EPRS1: variants seen among roughly 807,000 people sequenced by gnomAD.
The protein encoded by EPRS1 is glutamyl-prolyl-tRNA synthetase 1, also known as bifunctional glutamate/proline--tRNA ligase.
Under a neutral mutation model 188.3 loss-of-function variants are expected in EPRS1, and 107 were observed. The ratio of observed to expected loss-of-function variants is 0.57; its 90% CI spans 0.49 to 0.67. The LOEUF is 0.67. EPRS1 is among the 30% of genes least tolerant of loss of function. The pLI is 0.00. For missense variants in EPRS1, 1,577 were observed against 1,802.2 expected, an observed-to-expected ratio of 0.88 and a Z score of 2.26; for synonymous variants, 596 against 593.1, an observed-to-expected ratio of 1.00 and a Z score of -0.07.
At chr1:219,985,388 TGTAA>T (rs1660987570) in intron 20 of EPRS1, among the ~76,000 whole-genome samples, 1 of 152,118 alleles carries the variant, frequency 6.6e-6, no homozygotes, top group East Asian at 1.9e-4. Context: ...GCCAAATTTA[TGTAA>T]GTTTTTCTTT....
chr1:220,038,491 A>C (rs1333872455), intron 2 of EPRS1, among the ~76,000 whole-genome samples: 1 of 143,524 alleles, frequency 7.0e-6, no homozygotes, highest in Non-Finnish European at 1.5e-5. Context: ...TCGTGGGCTC[A>C]GGTGATCATC....
intron 28 of EPRS1, among the ~76,000 whole-genome samples, chr1:219,974,910 T>C (rs1660746384): frequency 6.6e-6 from 1 of 152,096 alleles, no homozygotes; most frequent in Non-Finnish European, 1.5e-5. Context: ...ATACAGAAAG[T>C]TAGCAGTGAG....
chr1:219,994,275 C>G (rs931381635), intron 18 of EPRS1, among the ~76,000 whole-genome samples: 3 of 152,016 alleles, frequency 2.0e-5, no homozygotes, highest in African/African-American at 7.2e-5. Context: ...GTCTGAGTGT[C>G]AGTGTGTGTG....
At chr1:219,971,702 A>C (rs969423386) in intron 30 of EPRS1, among the ~76,000 whole-genome samples, 5 of 149,402 alleles carry the variant, frequency 3.3e-5, no homozygotes, top group East Asian at 2.0e-4. Context: ...GGAAAAAAAA[A>C]CTTACATAAT....
intron 2 of EPRS1, among the ~76,000 whole-genome samples, chr1:220,038,269 A>T (rs1035608433): frequency 3.3e-5 from 5 of 151,046 alleles, no homozygotes; most frequent in African/African-American, 1.2e-4. Flanking sequence ...TTTAGTAGAG[A>T]TGGGGTTTCT....
intron 9 of EPRS1, among the ~76,000 whole-genome samples, chr1:220,020,827 TATATATATATA>T (rs1558057807): frequency 0.012 from 28 of 2,368 alleles, no homozygotes; most frequent in African/African-American, 0.03. Flanking sequence ...TTTGAATTTA[TATATATATATA>T]TATATATATA....
chr1:219,968,885 C>A lies in EPRS1; in HGVS notation c.4460G>T (p.Cys1487Phe), dbSNP rs1558267277. 3 of 1,614,150 alleles carry A rather than the reference C, an allele frequency of 1.9e-6. No individual in the cohort carries two copies. In the Admixed American group the frequency reaches 5.0e-5, roughly 27 times the overall value. ...KSLCIPFKPL[C>F]ELQPGAKCVC... ...ACATTTGGCTCCAGGCTGCAGTTCA[C>A]AGAGTGGTTTGAAGGGGATGCAAAG... The change falls in exon 32 of 32, where the codon TGT (cysteine) becomes TTT (phenylalanine). Residue 1487 changes from cysteine (C) to phenylalanine (F), a missense_variant. Physicochemically the swap from Cys to Phe is radical, Grantham distance 205. Coordinates refer to ENST00000366923, the MANE Select transcript of EPRS1 (RefSeq NM_004446.3).
At chr1:220,026,380 A>G (rs1411585285) in intron 6 of EPRS1, among the ~76,000 whole-genome samples, 2 of 152,184 alleles carry the variant, frequency 1.3e-5, no homozygotes, top group East Asian at 1.9e-4. Flanking sequence ...GTACATGAGT[A>G]AAAGAAAATA....
chr1:220,042,918 T>C (rs1662326637), intron 1 of EPRS1, among the ~76,000 whole-genome samples: 1 of 151,848 alleles, frequency 6.6e-6, no homozygotes, highest in South Asian at 2.1e-4. Flanking sequence ...AGACTCCATC[T>C]CAAAAAACAA....
chr1:219,997,250 A>G lies in EPRS1; in HGVS notation c.2274T>C (p.Ala758=). 6.2e-7 allele frequency: 1 copy of G among 1,614,038 alleles called. No individual in the cohort carries two copies. Among genetic ancestry groups the G allele is most frequent in the South Asian group, 1.1e-5 (1 of 91,068 alleles). Reference sequence around the variant, plus strand: ...ATTCACGAACCACATCTCCTTGAACAGCCACTCTATTGTAAAGGACCAAGG... The same window carrying G: ...ATTCACGAACCACATCTCCTTGAACGGCCACTCTATTGTAAAGGACCAAGG... The part of the protein sequence containing the change: ...EDSLVLYNRV[A]VQGDVVRELK... Residue 758 remains alanine (A), a synonymous_variant, in exon 18 of 32, where the codon GCT becomes GCC. Transcript: ENST00000366923.
rs573870660 is a variant in EPRS1 at position 220,018,693 on chromosome 1, A to AAAC, written c.1435-186_1435-185insGTT. 3.4e-4 allele frequency among the ~76,000 whole-genome samples: 52 copies of AAAC among 152,238 alleles called. 1 individual carries two copies. The East Asian group carries it at 8.9e-3, about 26-fold the overall frequency. Reference sequence around the variant, plus strand: ...TGGTTACCCTTAACAGTTCACTGTAAAGGTTCAGTCTACAGACTGCTCACA... The same window carrying AAAC: ...TGGTTACCCTTAACAGTTCACTGTAAAACAGGTTCAGTCTACAGACTGCTCACA... On this transcript the variant is annotated intron_variant, in intron 11 of 31. Transcript: ENST00000366923.
chr1:220,043,854 A>G (rs1348531075), intron 1 of EPRS1, among the ~76,000 whole-genome samples: 2 of 152,240 alleles, frequency 1.3e-5, no homozygotes, highest in Non-Finnish European at 2.9e-5. Context: ...AGAGGTGACA[A>G]TCAGATGCAA....
chr1:219,973,529 G>GACA, intron 28 of EPRS1, 131 bp from the exon 29 acceptor site: 15 of 220,796 alleles, frequency 6.8e-5, no homozygotes, highest in Middle Eastern at 9.4e-4. Flanking sequence ...AAAAAAACAA[G>GACA]AGAAAAAAAA....
At chr1:219,969,474 C>G (rs1480865688) in intron 30 of EPRS1, among the ~76,000 whole-genome samples, 2 of 152,066 alleles carry the variant, frequency 1.3e-5, no homozygotes, top group Admixed American at 1.3e-4. Context: ...ACCTGCTCTA[C>G]CTATCTAAAT....
intron 21 of EPRS1, 41 bp from the exon 22 acceptor site, chr1:219,983,439 C>G: frequency 7.0e-7 from 1 of 1,436,036 alleles, no homozygotes; most frequent in South Asian, 1.2e-5. Context: ...TACATTGAAC[C>G]AAAATTCTAG....
At chr1:219,979,393 T>G (rs748022748) in intron 27 of EPRS1, 25 bp downstream of exon 27, 1 of 1,534,630 alleles carries the variant, frequency 6.5e-7, no homozygotes, top group South Asian at 1.2e-5. Context: ...ATAAAATGAG[T>G]GATAAACAGG....
At chr1:219,981,684 TATTTTACATTCTTCACAG>T (rs1395609841) in intron 23 of EPRS1, among the ~76,000 whole-genome samples, 1 of 152,246 alleles carries the variant, frequency 6.6e-6, no homozygotes, top group South Asian at 2.1e-4. Context: ...AACTTGATCA[TATTTTACATTCTTCACAG>T]ATTTTACATT....
At position 220,005,103 on chromosome 1, in the gene EPRS1, A is replaced by G. The variant is rs185093804; in HGVS notation, c.2063+145T>C. 10 of 399,416 alleles carry G rather than the reference A, an allele frequency of 2.5e-5. No individual in the cohort carries two copies. In the East Asian group the frequency reaches 3.4e-4, roughly 14 times the overall value. 24.7% of individuals were successfully genotyped at this position (399,416 alleles called of 1,614,324 possible). A position where few individuals can be genotyped will look rare whatever the true frequency, so the allele number is the denominator to read the frequency against. On this transcript the variant is annotated intron_variant, in intron 16 of 31. Transcript: ENST00000366923. Reference sequence around the variant, plus strand: ...ACTTGTTAAAATAAATTACTTGTCTAAAATGTTAAATATAAAATAAAACTG... The same window carrying G: ...ACTTGTTAAAATAAATTACTTGTCTGAAATGTTAAATATAAAATAAAACTG...
At chr1:220,001,026 G>C in intron 17 of EPRS1, 112 bp downstream of exon 17, 1 of 715,902 alleles carries the variant, frequency 1.4e-6, no homozygotes. Context: ...AGACTTAACT[G>C]TCTTCTTCAG....
Sources: allele counts gnomAD v4.1 joint callset (sites outside exome capture counted in the v4.1 genomes callset), GRCh38; gene constraint gnomAD v4.1.1; transcripts MANE v1.5; gene names NCBI Gene and HGNC (gene_info 2026-07-23, HGNC 2026-07-21).